GMCL1: variants seen among roughly 807,000 people sequenced by gnomAD.
GMCL1 encodes germ cell-less 1, spermatogenesis associated, also known as germ cell-less protein-like 1.
Under a neutral mutation model 75.5 loss-of-function variants are expected in GMCL1, and 54 were observed. The ratio of observed to expected loss-of-function variants is 0.71; its 90% CI spans 0.57 to 0.90. The LOEUF (loss-of-function observed/expected upper bound fraction) is 0.90, where lower values mean the gene tolerates loss of function less well. GMCL1 is among the 40% of genes least tolerant of loss of function. The probability of loss-of-function intolerance (pLI) is 0.00; values close to 1 mark genes in which losing one functional copy is unlikely to be tolerated. For missense variants in GMCL1, 537 were observed against 622.7 expected (o/e 0.86, Z 1.47); for synonymous variants, 210 against 209.6 (o/e 1.00, Z -0.02).
intron 4 of GMCL1, among the ~76,000 whole-genome samples, chr2:69,841,290 A>C (rs1180582198): frequency 6.6e-6 from 1 of 151,742 alleles, no homozygotes; most frequent in African/African-American, 2.4e-5. Flanking sequence ...TATGACTATA[A>C]TGTGGAAAAA....
chr2:69,847,770 CTT>C lies in GMCL1; in HGVS notation c.843+145_843+146del. On this transcript the variant is annotated intron_variant, in intron 7 of 13. Transcript: ENST00000282570. ...GAAATAGGCCGAAACCTTAAAAAGT[CTT>C]TATATTTAGGGATTTGGAATCATTA... 8.4e-6 allele frequency: 4 copies of C among 475,370 alleles called. No homozygotes were observed. The South Asian group carries it at 1.9e-4, about 23-fold the overall frequency. The allele number at this position is 475,370 out of a possible 1,614,324, so 29.4% of individuals were successfully genotyped here.
At chr2:69,856,607 C>T (rs1329661929) in intron 9 of GMCL1, among the ~76,000 whole-genome samples, 3 of 149,088 alleles carry the variant, frequency 2.0e-5, no homozygotes, top group Non-Finnish European at 3.0e-5. Context: ...TGCCCTGGAA[C>T]CAGGGACAAC....
At position 69,880,041 on chromosome 2, in the gene GMCL1, AAAATGG is replaced by A. The variant is rs1676236808; in HGVS notation, c.*1040_*1045del. Reference sequence around the variant, plus strand: ...AGCCTGATGATGAAGCATTAATGTAAAAATGGAACTTATTTTTGTCAAAAATGAGAT... The same window carrying A: ...AGCCTGATGATGAAGCATTAATGTAAAACTTATTTTTGTCAAAAATGAGAT... On this transcript the variant is annotated 3_prime_UTR_variant, in exon 14 of 14. Transcript: ENST00000282570. 6.6e-6 allele frequency: 1 copy of A among 152,204 alleles called. No individual in the cohort carries two copies. Among genetic ancestry groups the A allele is most frequent in the Non-Finnish European group, 1.5e-5 (1 of 68,028 alleles). 9.4% of individuals were successfully genotyped at this position (152,204 alleles called of 1,614,324 possible). A position where few individuals can be genotyped will look rare whatever the true frequency, so the allele number is the denominator to read the frequency against.
intron 9 of GMCL1, among the ~76,000 whole-genome samples, chr2:69,860,716 A>G (rs1481743642): frequency 2.6e-5 from 4 of 152,360 alleles, no homozygotes; most frequent in South Asian, 4.1e-4. Flanking sequence ...AATGTATGCA[A>G]TGTAATAAGT....
At chr2:69,875,932 C>T (rs1174851604) in intron 13 of GMCL1, among the ~76,000 whole-genome samples, 7 of 152,128 alleles carry the variant, frequency 4.6e-5, no homozygotes, top group Admixed American at 3.9e-4. Context: ...CCTCGTGATC[C>T]GCCCACCTCA....
intron 1 of GMCL1, among the ~76,000 whole-genome samples, 191 bp downstream of exon 1, chr2:69,830,343 G>T (rs1430632410): frequency 6.6e-6 from 1 of 152,206 alleles, no homozygotes; most frequent in Non-Finnish European, 1.5e-5. Context: ...GACGCCAGGT[G>T]TTCCGCATTT....
At chr2:69,857,410 C>A (rs1029958147) in intron 9 of GMCL1, among the ~76,000 whole-genome samples, 2 of 152,156 alleles carry the variant, frequency 1.3e-5, no homozygotes, top group South Asian at 4.1e-4. Flanking sequence ...TAAGCTTGAA[C>A]CTTGGGACTT....
At chr2:69,847,018 T>G (rs1558540967) in intron 6 of GMCL1, among the ~76,000 whole-genome samples, 1 of 150,812 alleles carries the variant, frequency 6.6e-6, no homozygotes, top group South Asian at 2.1e-4. Flanking sequence ...TTTTTTTTTT[T>G]GGTAGCACGA....
intron 8 of GMCL1, 136 bp from the exon 9 acceptor site, chr2:69,854,687 A>G (rs1013298994): frequency 3.9e-5 from 26 of 665,084 alleles, no homozygotes; most frequent in Non-Finnish European, 6.3e-5. Flanking sequence ...TAAGGTTTAT[A>G]AAATTCTTGA....
At chr2:69,855,780 A>T (rs1471260209) in intron 9 of GMCL1, among the ~76,000 whole-genome samples, 1 of 152,194 alleles carries the variant, frequency 6.6e-6, no homozygotes, top group Admixed American at 6.5e-5. Context: ...TACATTGCTT[A>T]TAGTATAGCA....
intron 10 of GMCL1, among the ~76,000 whole-genome samples, chr2:69,863,743 G>A (rs1675725151): frequency 6.6e-6 from 1 of 152,140 alleles, no homozygotes; most frequent in Non-Finnish European, 1.5e-5. Context: ...CATGATCTGT[G>A]GGGACTGTCA....
chr2:69,834,871 T>C (rs1012832079), intron 1 of GMCL1, among the ~76,000 whole-genome samples: 1 of 152,186 alleles, frequency 6.6e-6, no homozygotes, highest in Non-Finnish European at 1.5e-5. Flanking sequence ...GGATTATGCC[T>C]GTCTCTTCTT....
In GMCL1 at chr2:69,871,782, A is replaced by T. The variant is rs151019719; in HGVS notation, c.1402A>T (p.Ile468Leu). The T allele has an allele frequency of 3.0e-5, 48 of 1,592,410 alleles. No homozygotes were observed. Among genetic ancestry groups the T allele is most frequent in the Non-Finnish European group, 3.9e-5 (46 of 1,167,306 alleles). Reference protein sequence around the residue: ...LASFDSSGKLICSRTTGYQIL... With the variant: ...LASFDSSGKLLCSRTTGYQIL... ...TTCTTTTGATAGTAGTGGAAAACTA[A>T]TATGTAGTAGAACAACTGGCTATCA... Residue 468 changes from isoleucine to leucine, a missense_variant, in exon 13 of 14, where the codon ATA (isoleucine) becomes TTA (leucine). By Grantham distance (5) the Ile-to-Leu change is conservative. This residue lies in a region of GMCL1 where 345 missense variants were observed against 410.5 expected (regional missense o/e 0.84). Transcript: ENST00000282570.
Position 69,873,399 on chromosome 2 carries a change from AAAC to A in GMCL1, c.1452+1573_1452+1575del, listed in dbSNP as rs1277241991. On this transcript the variant is annotated intron_variant, in intron 13 of 13. Transcript: ENST00000282570. The stretch of plus-strand genomic sequence containing the variant: ...AAAAATAGAAAATATGAGTCAGCTG[AAAC>A]AACAATCATACATGTACCACTCAGA... 3.1e-4 allele frequency among the ~76,000 whole-genome samples: 47 copies of A among 152,338 alleles called. 1 individual carries two copies. Among genetic ancestry groups the A allele is most frequent in the Middle Eastern group, 3.4e-3 (1 of 292 alleles).
intron 8 of GMCL1, among the ~76,000 whole-genome samples, chr2:69,851,614 A>C (rs1249056002): frequency 6.6e-6 from 1 of 151,840 alleles, no homozygotes; most frequent in African/African-American, 2.4e-5. Flanking sequence ...GTCTCAAAAA[A>C]AAAGAATTAG....
At chr2:69,844,429 TGTTATAAGACTATA>T (rs1675074943) in intron 6 of GMCL1, 1 of 302,286 alleles carries the variant, frequency 3.3e-6, no homozygotes, top group Non-Finnish European at 6.1e-6. Context: ...AATGCATTAC[TGTTATAAGACTATA>T]GAAAAGTTTC....
rs1435413416 is a variant in GMCL1, at chr2:69,831,943, A to G, written c.260+1791A>G. ...TTTTAAGAGTTCTGAGTTCTTGGCC[A>G]GGTGCAGTGGCTCATGCCTATAATC... On this transcript the variant is annotated intron_variant, in intron 1 of 13. Coordinates refer to ENST00000282570, the MANE Select transcript of GMCL1 (RefSeq NM_178439.5). 2.0e-5 allele frequency among the ~76,000 whole-genome samples: 3 copies of G among 152,198 alleles called. No homozygotes were observed. In the East Asian group the frequency reaches 5.8e-4, roughly 29 times the overall value.
intron 11 of GMCL1, 48 bp from the exon 12 acceptor site, chr2:69,869,671 T>C (rs1172046311): frequency 6.4e-7 from 1 of 1,566,866 alleles, no homozygotes; most frequent in Non-Finnish European, 8.7e-7. Context: ...TATTTTCTAC[T>C]TGCTAATATG....
At chr2:69,830,278 C>G (rs1031239249) in intron 1 of GMCL1, 126 bp downstream of exon 1, 7 of 1,267,920 alleles carry the variant, frequency 5.5e-6, no homozygotes, top group East Asian at 2.6e-5. Context: ...GTGCCCTTGA[C>G]AGGGTGAATG....
Sources: allele counts gnomAD v4.1 joint callset (sites outside exome capture counted in the v4.1 genomes callset), GRCh38; gene constraint gnomAD v4.1.1; regional missense constraint gnomAD v4.1.1; transcripts MANE v1.5; gene names NCBI Gene and HGNC (gene_info 2026-07-23, HGNC 2026-07-21).